ABCD3: variants seen among roughly 807,000 people sequenced by gnomAD.
ABCD3 encodes the protein ATP binding cassette subfamily D member 3, also known as ATP-binding cassette sub-family D member 3.
In ABCD3, 41 loss-of-function variants were observed where a neutral mutation model predicts 105.5. The ratio of observed to expected loss-of-function variants is 0.39; its 90% confidence interval spans 0.30 to 0.50. ABCD3 has a LOEUF of 0.50. ABCD3 is among the 20% of genes least tolerant of loss of function. ABCD3 has a pLI of 0.84. For missense variants in ABCD3, 622 were observed against 806.3 expected (o/e 0.77, Z 2.77); for synonymous variants, 258 against 269.0 (o/e 0.96, Z 0.40).
intron 1 of ABCD3, chr1:94,419,456 A>G: frequency 1.6e-6 from 1 of 631,898 alleles, no homozygotes. Flanking sequence ...CGGTTGCGAC[A>G]TACAGGTATG....
At chr1:94,455,081 T>C (rs1014681565) in intron 1 of ABCD3, among the ~76,000 whole-genome samples, 1 of 152,204 alleles carries the variant, frequency 6.6e-6, no homozygotes, top group Non-Finnish European at 1.5e-5. Context: ...GTATTGTGTT[T>C]AAATGGTTGC....
chr1:94,509,300 G>C (rs1045461155), intron 21 of ABCD3, among the ~76,000 whole-genome samples: 1 of 152,082 alleles, frequency 6.6e-6, no homozygotes, highest in African/African-American at 2.4e-5. Flanking sequence ...ATTGATTTGC[G>C]TATATTGAAC....
intron 21 of ABCD3, chr1:94,514,425 G>A (rs570979175): frequency 6.6e-6 from 1 of 151,806 alleles, no homozygotes; most frequent in South Asian, 2.1e-4. Context: ...AGCAACTACA[G>A]CTATTATCTA....
At chr1:94,475,285 A>G (rs112436069) in intron 6 of ABCD3, 45 bp downstream of exon 6, 1 of 1,249,384 alleles carries the variant, frequency 8.0e-7, no homozygotes, top group Admixed American at 2.1e-5. Flanking sequence ...TAAATAGAAG[A>G]GTATTTATGA....
intron 1 of ABCD3, among the ~76,000 whole-genome samples, chr1:94,432,059 CA>C (rs1338167250): frequency 6.6e-6 from 1 of 152,064 alleles, no homozygotes; most frequent in Non-Finnish European, 1.5e-5. Flanking sequence ...ATGACTGGTT[CA>C]AGAAAATATC....
intron 16 of ABCD3, among the ~76,000 whole-genome samples, chr1:94,497,543 A>G (rs1649882138): frequency 6.6e-6 from 1 of 152,244 alleles, no homozygotes. Context: ...TTGATCAGAT[A>G]CTTACAAGAT....
chr1:94,503,050 T>A (rs1315545905), intron 20 of ABCD3, among the ~76,000 whole-genome samples: 1 of 152,144 alleles, frequency 6.6e-6, no homozygotes. Context: ...GATTTTTTTG[T>A]GTGTGTAATT....
At chr1:94,404,871 G>A in the ABCD3 span, among the ~76,000 whole-genome samples, 3 of 150,614 alleles carry the variant, frequency 2.0e-5, no homozygotes, top group East Asian at 1.9e-4. Context: ...ATTTTGAGGC[G>A]GAGGTTGCAA....
intron 1 of ABCD3, among the ~76,000 whole-genome samples, chr1:94,436,715 A>G (rs545255531): frequency 6.6e-6 from 1 of 152,300 alleles, no homozygotes; most frequent in Non-Finnish European, 1.5e-5. Flanking sequence ...TTCATTTATC[A>G]TATCTGTTAT....
intron 1 of ABCD3, among the ~76,000 whole-genome samples, chr1:94,427,149 AG>A (rs1557658438): frequency 6.6e-6 from 1 of 152,154 alleles, no homozygotes; most frequent in East Asian, 1.9e-4. Flanking sequence ...GCATTCTGAC[AG>A]TATCCATAAC....
chr1:94,464,878 G>A lies in ABCD3; in HGVS notation c.246+5G>A, dbSNP rs1648064350. The A allele has an allele frequency of 1.2e-6, 2 of 1,607,718 alleles. No homozygotes were observed. Among genetic ancestry groups the A allele is most frequent in the Non-Finnish European group, 1.7e-6 (2 of 1,174,438 alleles). ...CCTAGAACATTTTGTAAAGAGGTAA[G>A]TCTTATGAAATTATAATCTTAAGTA... On this transcript the variant is annotated splice_donor_5th_base_variant and intron_variant, in intron 3 of 22. Coordinates refer to ENST00000370214, the MANE Select transcript of ABCD3 (RefSeq NM_002858.4).
At chr1:94,402,798 CTTT>C in the ABCD3 span, among the ~76,000 whole-genome samples, 1 of 151,464 alleles carries the variant, frequency 6.6e-6, no homozygotes, top group African/African-American at 2.4e-5. Flanking sequence ...TACTTCCTCT[CTTT>C]TTTTTTCTTT....
At chr1:94,433,565 G>A (rs1248344021) in intron 1 of ABCD3, among the ~76,000 whole-genome samples, 1 of 151,512 alleles carries the variant, frequency 6.6e-6, no homozygotes, top group Admixed American at 6.6e-5. Context: ...TTGCTCCTAG[G>A]CTACAAACCT....
intron 1 of ABCD3, among the ~76,000 whole-genome samples, chr1:94,448,126 A>G (rs1471440472): frequency 1.3e-5 from 2 of 152,228 alleles, no homozygotes; most frequent in Non-Finnish European, 2.9e-5. Flanking sequence ...AGCAGGACTT[A>G]GTAGAGTGGC....
chr1:94,512,265 T>C (rs1557694521), intron 21 of ABCD3, among the ~76,000 whole-genome samples: 2 of 152,018 alleles, frequency 1.3e-5, no homozygotes, highest in African/African-American at 4.8e-5. Flanking sequence ...TTCCTTTTTT[T>C]CCTTCCTAAA....
intron 21 of ABCD3, chr1:94,514,914 A>G: frequency 2.0e-6 from 1 of 495,472 alleles, no homozygotes; most frequent in Non-Finnish European, 3.6e-6. Flanking sequence ...TTTTTTGCCC[A>G]AAAGAAAATA....
rs1354076874 is a variant in ABCD3 at position 94,517,261 on chromosome 1, T to A, written c.*132T>A. ...AAAACAAAGCAACAAATTAACTAGATACAGAATAATGGAGAACAAGTTGTT... is the reference window on the plus strand; with the variant it reads ...AAAACAAAGCAACAAATTAACTAGAAACAGAATAATGGAGAACAAGTTGTT... On this transcript the variant is annotated 3_prime_UTR_variant, in exon 23 of 23. Coordinates refer to ENST00000370214, the MANE Select transcript of ABCD3 (RefSeq NM_002858.4). The A allele has an allele frequency of 2.9e-6, 2 of 692,082 alleles. No homozygotes were observed. Among genetic ancestry groups the A allele is most frequent in the Non-Finnish European group, 5.1e-6 (2 of 389,326 alleles). The allele number at this position is 692,082 out of a possible 1,614,324, so 42.9% of individuals were successfully genotyped here. A position where few individuals can be genotyped will look rare whatever the true frequency, so the allele number is the denominator to read the frequency against.
At chr1:94,452,926 C>T (rs1647326265) in intron 1 of ABCD3, among the ~76,000 whole-genome samples, 2 of 151,946 alleles carry the variant, frequency 1.3e-5, no homozygotes, top group Non-Finnish European at 2.9e-5. Context: ...TTAATAGAGA[C>T]AGGGTTTCAC....
chr1:94,517,232 AAAAAAAACAAAGCAAC>A lies in ABCD3; in HGVS notation c.*107_*122del. The A allele has an allele frequency of 1.1e-6, 1 of 872,320 alleles. No homozygotes were observed. Among genetic ancestry groups the A allele is most frequent in the Non-Finnish European group, 1.9e-6 (1 of 534,050 alleles). The allele number at this position is 872,320 out of a possible 1,614,324, so 54.0% of individuals were successfully genotyped here. A position where few individuals can be genotyped will look rare whatever the true frequency, so the allele number is the denominator to read the frequency against. On this transcript the variant is annotated 3_prime_UTR_variant, in exon 23 of 23. Coordinates refer to ENST00000370214, the MANE Select transcript of ABCD3 (RefSeq NM_002858.4). ...AAAGTTGAGCTTAGTTTTTTTTAAAAAAAAAAACAAAGCAACAAATTAACTAGATACAGAATAATGG... is the reference window on the plus strand; with the variant it reads ...AAAGTTGAGCTTAGTTTTTTTTAAAAAAATTAACTAGATACAGAATAATGG...
Sources: allele counts gnomAD v4.1 joint callset (sites outside exome capture counted in the v4.1 genomes callset), GRCh38; gene constraint gnomAD v4.1.1; transcripts MANE v1.5; gene names NCBI Gene and HGNC (gene_info 2026-07-23, HGNC 2026-07-21).